PCDHGA3: variants seen among roughly 807,000 people sequenced by gnomAD.
The protein encoded by PCDHGA3 is protocadherin gamma-A3.
Under a neutral mutation model 58.5 loss-of-function variants are expected in PCDHGA3, and 40 were observed. That is an observed-to-expected ratio of 0.68 (90% confidence interval 0.53 to 0.89). The LOEUF (loss-of-function observed/expected upper bound fraction) is 0.89. PCDHGA3 is among the 40% of genes least tolerant of loss of function. The pLI, the probability that PCDHGA3 is intolerant of heterozygous loss-of-function variation, is 0.00. For synonymous variants in PCDHGA3, 530 were observed against 525.7 expected, an observed-to-expected ratio of 1.01 and a Z score of -0.11; for missense variants, 1,223 against 1,195.9, an observed-to-expected ratio of 1.02 and a Z score of -0.33.
At chr5:141,390,045 T>G in intron 1 of PCDHGA3, 1 of 1,614,076 alleles carries the variant, frequency 6.2e-7, no homozygotes, top group Non-Finnish European at 8.5e-7. Context: ...CAGCCCCGCC[T>G]CCTGGAGCTG....
rs778564034 is a variant in PCDHGA3 at position 141,384,738 on chromosome 5, GC to G, written c.2424+38283del. ...CATACCTCCTGCTTAAGGCCAGCGA[GC>G]CAGGACTCTTTGCGGTTGGGCTGTA... On this transcript the variant is annotated intron_variant, in intron 1 of 3. Coordinates refer to ENST00000253812, the MANE Select transcript of PCDHGA3 (RefSeq NM_018916.4). 10 of 1,614,098 alleles carry G rather than the reference GC, an allele frequency of 6.2e-6. No individual in the cohort carries two copies. The East Asian group carries it at 2.2e-4, about 36-fold the overall frequency.
At chr5:141,361,682 C>T in intron 1 of PCDHGA3, 1 of 1,613,584 alleles carries the variant, frequency 6.2e-7, no homozygotes. Context: ...GTGGTGTTCG[C>T]GCAGCGCGCC....
intron 1 of PCDHGA3, chr5:141,394,736 C>A: frequency 6.2e-7 from 1 of 1,613,456 alleles, no homozygotes; most frequent in Non-Finnish European, 8.5e-7. Flanking sequence ...TCAAGCAGAG[C>A]CTCGTGGTGG....
intron 1 of PCDHGA3, chr5:141,364,232 G>A: frequency 1.4e-6 from 2 of 1,395,048 alleles, no homozygotes; most frequent in Non-Finnish European, 1.9e-6. Context: ...AACGCTCCAC[G>A]CCCATTTTCG....
intron 1 of PCDHGA3, chr5:141,365,491 T>C (rs1421150605): frequency 1.9e-6 from 3 of 1,614,014 alleles, no homozygotes; most frequent in Non-Finnish European, 2.5e-6. Flanking sequence ...GCTCTATTCC[T>C]AGGAATTTGC....
At chr5:141,364,415 G>C in intron 1 of PCDHGA3, 1 of 1,613,082 alleles carries the variant, frequency 6.2e-7, no homozygotes, top group South Asian at 1.1e-5. Flanking sequence ...GCCAGGATCC[G>C]GGCAGATCCG....
intron 1 of PCDHGA3, among the ~76,000 whole-genome samples, chr5:141,438,625 TATATATATATACACACAC>T (rs1351180774): frequency 3.0e-4 from 14 of 46,412 alleles, no homozygotes; most frequent in Middle Eastern, 8.3e-3. Context: ...TATATATATA[TATATATATATACACACAC>T]ACACACACAT....
intron 1 of PCDHGA3, chr5:141,384,561 C>A (rs778010622): frequency 3.1e-6 from 5 of 1,614,254 alleles, no homozygotes; most frequent in South Asian, 1.1e-5. Context: ...TCGTGCTGGA[C>A]CAGAATGACA....
chr5:141,449,645 A>G (rs1331667429), intron 1 of PCDHGA3, among the ~76,000 whole-genome samples: 1 of 151,128 alleles, frequency 6.6e-6, no homozygotes, highest in African/African-American at 2.4e-5. Context: ...CTATATATAC[A>G]TATTTACATA....
chr5:141,368,755 G>A (rs557718841), intron 1 of PCDHGA3, among the ~76,000 whole-genome samples: 1 of 151,984 alleles, frequency 6.6e-6, no homozygotes, highest in Non-Finnish European at 1.5e-5. Flanking sequence ...TTAAATATCT[G>A]AATCTTTAGT....
In PCDHGA3 at chr5:141,404,211, T is replaced by C. The variant is rs1423741415; in HGVS notation, c.2424+57754T>C. ...CGAGAAAAAGCCTCAGAATATAATATCACGGTGACTGCAACAGACAGAGGA... is the reference window on the plus strand; with the variant it reads ...CGAGAAAAAGCCTCAGAATATAATACCACGGTGACTGCAACAGACAGAGGA... On this transcript the variant is annotated intron_variant, in intron 1 of 3. Coordinates refer to ENST00000253812, the MANE Select transcript of PCDHGA3 (RefSeq NM_018916.4). 3 of 1,613,606 alleles carry C rather than the reference T, an allele frequency of 1.9e-6. No homozygotes were observed. The Admixed American group carries it at 5.0e-5, about 27-fold the overall frequency.
chr5:141,347,137 C>CTCTCTCTTTCTTTCTTTCTTTCTT (rs375338309), intron 1 of PCDHGA3, among the ~76,000 whole-genome samples: 101 of 113,834 alleles, frequency 8.9e-4, no homozygotes, highest in African/African-American at 3.7e-3. Flanking sequence ...CTCTGTTTCT[C>CTCTCTCTTTCTTTCTTTCTTTCTT]TCTTTCTTTC....
At position 141,413,842 on chromosome 5, in the gene PCDHGA3, G is replaced by T. The variant is rs1181086477; in HGVS notation, c.2424+67385G>T. 6.2e-6 allele frequency: 10 copies of T among 1,613,176 alleles called. No homozygotes were observed. In the Admixed American group the frequency reaches 1.7e-4, roughly 27 times the overall value. The stretch of plus-strand genomic sequence containing the variant: ...GGTCCTCACCGCCTCCGACGGGGGT[G>T]ACCCTCTCCGATCTGGCACTGTCCT... On this transcript the variant is annotated intron_variant, in intron 1 of 3. Transcript: ENST00000253812.
chr5:141,404,300 C>T (rs749132060), intron 1 of PCDHGA3: 3 of 1,613,862 alleles, frequency 1.9e-6, no homozygotes, highest in South Asian at 2.2e-5. Flanking sequence ...TGATAATCCA[C>T]CTGCTTTCTC....
At chr5:141,434,117 G>T (rs2097672674) in intron 1 of PCDHGA3, among the ~76,000 whole-genome samples, 1 of 152,126 alleles carries the variant, frequency 6.6e-6, no homozygotes, top group African/African-American at 2.4e-5. Context: ...TGGCCTTTGG[G>T]ACTCCCTTTA....
chr5:141,410,847 GTC>G (rs2095431261), intron 1 of PCDHGA3: 6 of 158,244 alleles, frequency 3.8e-5, no homozygotes, highest in Admixed American at 8.9e-5. Context: ...TTTTGTCTTT[GTC>G]TTTTTTTTTT....
chr5:141,427,829 G>C, intron 1 of PCDHGA3: 1 of 1,538,520 alleles, frequency 6.5e-7, no homozygotes. Flanking sequence ...TGGTCGCGCA[G>C]CGTGCCTTCG....
chr5:141,474,687 A>G (rs369586568), intron 1 of PCDHGA3, among the ~76,000 whole-genome samples: 35 of 152,302 alleles, frequency 2.3e-4, no homozygotes, highest in African/African-American at 7.7e-4. Flanking sequence ...CTACCCCTTC[A>G]CTTATGTTCA....
At chr5:141,418,901 A>G in intron 1 of PCDHGA3, 1 of 1,614,016 alleles carries the variant, frequency 6.2e-7, no homozygotes, top group East Asian at 2.2e-5. Context: ...CCCAGAAATA[A>G]TCATCACGTC....
Sources: gnomAD v4.1 joint callset for allele counts (sites outside exome capture counted in the v4.1 genomes callset) on GRCh38, gnomAD v4.1.1 for gene constraint, MANE v1.5 for transcripts, NCBI Gene and HGNC (gene_info 2026-07-23, HGNC 2026-07-21) for gene names.